Variants in CFAP46 observed in about 807,000 individuals in gnomAD.
CFAP46 encodes cilia- and flagella-associated protein 46.
A neutral mutation model predicts 325.7 loss-of-function variants in CFAP46; 245 were observed. The observed-to-expected ratio is 0.75, with a 90% CI of 0.68 to 0.84. CFAP46 has a LOEUF of 0.84. CFAP46 is among the 40% of genes least tolerant of loss of function. CFAP46 has a pLI of 0.00. For synonymous variants in CFAP46, 1,523 were observed against 1,495.9 expected (o/e 1.02, Z -0.42); for missense variants, 3,346 against 3,543.0 (o/e 0.94, Z 1.41).
At chr10:132,836,613 G>C (rs1049187715) in intron 45 of CFAP46, among the ~76,000 whole-genome samples, 2 of 140,670 alleles carry the variant, frequency 1.4e-5, no homozygotes, top group African/African-American at 5.5e-5. Flanking sequence ...TCACAGGAAG[G>C]GGTGTGTGGC....
rs988047018 is a variant in CFAP46, at chr10:132,828,000, C to T, written c.7117+5358G>A. ...GCGTAATCCTTCTGAGCCCCGTCTA[C>T]GCTGTCCCACGCACCAACAGCTCGC... On this transcript the variant is annotated intron_variant, in intron 50 of 57. Transcript: ENST00000368586. This position sits in a 1 kb window ranked among gnomAD's most constrained non-coding sequence, Gnocchi z 5.7. Among the ~76,000 whole-genome samples the T allele has an allele frequency of 3.3e-5, 5 of 151,550 alleles. No individual in the cohort carries two copies. The highest frequency in any genetic ancestry group is 7.3e-5 in the African/African-American group (3 of 40,892).
At chr10:132,823,059 AGTGCTGATGTGTGCTGTGT>A (rs1333608533) in intron 50 of CFAP46, among the ~76,000 whole-genome samples, 17 of 65,256 alleles carry the variant, frequency 2.6e-4, no homozygotes, top group South Asian at 5.3e-4. Flanking sequence ...GTGTGCTGTG[AGTGCTGATGTGTGCTGTGT>A]GTGCTGATGT....
At chr10:132,904,035 A>T (rs887757127) in intron 22 of CFAP46, among the ~76,000 whole-genome samples, 1 of 152,262 alleles carries the variant, frequency 6.6e-6, no homozygotes, top group Non-Finnish European at 1.5e-5. Context: ...ACAGAAAGCC[A>T]TTTTTGCTAT....
chr10:132,866,819 G>C (rs1195572124), intron 34 of CFAP46, among the ~76,000 whole-genome samples: 2 of 152,244 alleles, frequency 1.3e-5, no homozygotes, highest in African/African-American at 4.8e-5. Flanking sequence ...TTAGGAGCCA[G>C]GCTGGTCACC....
At position 132,942,423 on chromosome 10, in the gene CFAP46, G is replaced by A; in HGVS notation, c.49+13C>T. 1 of 1,357,234 alleles carries A rather than the reference G, an allele frequency of 7.4e-7. No individual in the cohort carries two copies. Among genetic ancestry groups the A allele is most frequent in the Non-Finnish European group, 9.4e-7 (1 of 1,061,958 alleles). The allele number at this position is 1,357,234 out of a possible 1,614,324, so 84.1% of individuals were successfully genotyped here. A position where few individuals can be genotyped will look rare whatever the true frequency, so the allele number is the denominator to read the frequency against. The stretch of plus-strand genomic sequence containing the variant: ...CCTCCCCGGGGCGGGGGTCGTGGCG[G>A]GCCTGGGGTCACCTTGCTGGCTCTC... On this transcript the variant is annotated intron_variant, in intron 1 of 57. Coordinates refer to ENST00000368586, the MANE Select transcript of CFAP46 (RefSeq NM_001200049.3).
intron 31 of CFAP46, among the ~76,000 whole-genome samples, chr10:132,874,223 A>C (rs1848932681): frequency 6.6e-6 from 1 of 152,240 alleles, no homozygotes; most frequent in East Asian, 1.9e-4. Flanking sequence ...ACAGATGCAC[A>C]CACCCCGGAA....
At chr10:132,821,985 G>GTGTGGGCTGATGTGTGCTGTA (rs1847852864) in intron 50 of CFAP46, among the ~76,000 whole-genome samples, 1 of 143,072 alleles carries the variant, frequency 7.0e-6, no homozygotes, top group South Asian at 2.4e-4. Flanking sequence ...TGTGTGCTGT[G>GTGTGGGCTGATGTGTGCTGTA]TGTGCGCTTG....
At chr10:132,938,407 C>T (rs12269281) in intron 5 of CFAP46, among the ~76,000 whole-genome samples, 182 bp downstream of exon 5, 14,650 of 152,210 alleles carry the variant, frequency 0.096, 975 homozygotes, top group African/African-American at 0.19. Context: ...ATGTCATCTA[C>T]AGATTTTGGA....
chr10:132,877,073 G>T lies in CFAP46; in HGVS notation c.4213-112C>A. On this transcript the variant is annotated intron_variant, in intron 30 of 57. Coordinates refer to ENST00000368586, the MANE Select transcript of CFAP46 (RefSeq NM_001200049.3). This position sits in a 1 kb window ranked among gnomAD's most constrained non-coding sequence, Gnocchi z 5.7. ...TTCAGGCCACAGCCCTGGGCAGCCGGCATCCTCCCCACCACCAGGTCCCAG... is the reference window on the plus strand; with the variant it reads ...TTCAGGCCACAGCCCTGGGCAGCCGTCATCCTCCCCACCACCAGGTCCCAG... 2 of 1,071,552 alleles carry T rather than the reference G, an allele frequency of 1.9e-6. No homozygotes were observed. Among genetic ancestry groups the T allele is most frequent in the Non-Finnish European group, 2.7e-6 (2 of 751,634 alleles). The allele number at this position is 1,071,552 out of a possible 1,614,324, so 66.4% of individuals were successfully genotyped here.
chr10:132,823,387 C>G (rs1591035781), intron 50 of CFAP46, among the ~76,000 whole-genome samples: 2 of 114,498 alleles, frequency 1.7e-5, no homozygotes, highest in Non-Finnish European at 3.5e-5. Context: ...TGTGTGTGCA[C>G]TGATGTGTGC....
At chr10:132,908,356 C>T (rs1439899114) in intron 22 of CFAP46, 112 bp downstream of exon 22, 11 of 1,324,522 alleles carry the variant, frequency 8.3e-6, no homozygotes, top group South Asian at 4.0e-5. Context: ...GCTCCCTGCC[C>T]GTTTTGGGGA....
At chr10:132,855,318 T>G (rs1293263456) in intron 39 of CFAP46, among the ~76,000 whole-genome samples, 1 of 152,254 alleles carries the variant, frequency 6.6e-6, no homozygotes, top group African/African-American at 2.4e-5. Context: ...CAAAATCGGC[T>G]GTGTGTGTTG....
At chr10:132,833,957 C>T (rs41302991) in intron 49 of CFAP46, 84 bp downstream of exon 49, 19,872 of 1,332,522 alleles carry the variant, frequency 0.015, 289 homozygotes, top group Non-Finnish European at 0.015. Flanking sequence ...CCCTGGCGTT[C>T]CCGGATGGGT....
chr10:132,908,280 G>C, intron 22 of CFAP46, 188 bp downstream of exon 22: 1 of 657,466 alleles, frequency 1.5e-6, no homozygotes. Flanking sequence ...CGCGCTCCCT[G>C]CCCGTTTTGG....
chr10:132,816,298 G>A (rs1847691930), intron 50 of CFAP46, among the ~76,000 whole-genome samples: 1 of 150,356 alleles, frequency 6.7e-6, no homozygotes, highest in South Asian at 2.1e-4. Context: ...CTCACCTGGG[G>A]ATCATTCTGC....
chr10:132,909,872 G>A, intron 20 of CFAP46, 47 bp downstream of exon 20: 1 of 1,371,128 alleles, frequency 7.3e-7, no homozygotes, highest in Non-Finnish European at 9.4e-7. Context: ...AGATCTCTAT[G>A]TCCACAGGGC....
intron 8 of CFAP46, among the ~76,000 whole-genome samples, chr10:132,933,712 A>G (rs537885612): frequency 6.6e-6 from 1 of 152,182 alleles, no homozygotes; most frequent in African/African-American, 2.4e-5. Flanking sequence ...GGCAGGTGCC[A>G]CCTCCCTGAT....
intron 35 of CFAP46, among the ~76,000 whole-genome samples, chr10:132,863,886 G>C (rs1206055437): frequency 2.4e-4 from 31 of 127,816 alleles, no homozygotes; most frequent in Middle Eastern, 7.8e-3. Context: ...GTCCCCCTGA[G>C]ACCTGCACAC....
Position 132,889,621 on chromosome 10 carries a change from T to C in CFAP46, c.3304+2712A>G, listed in dbSNP as rs141628166. Among the ~76,000 whole-genome samples, 57 of 152,316 alleles carry C rather than the reference T, an allele frequency of 3.7e-4. No individual in the cohort carries two copies. Among genetic ancestry groups the C allele is most frequent in the African/African-American group, 1.3e-3 (55 of 41,566 alleles). On this transcript the variant is annotated intron_variant, in intron 25 of 57. Transcript: ENST00000368586. The surrounding 1 kb of genome is among the most constrained non-coding windows in gnomAD (Gnocchi z 6.0). ...CTCACTTTGAGGTGTGACCTCCTGATTGACCCACAGCCATGTCCTGGGACC... is the reference window on the plus strand; with the variant it reads ...CTCACTTTGAGGTGTGACCTCCTGACTGACCCACAGCCATGTCCTGGGACC...
Sources: gnomAD v4.1 joint callset for allele counts (sites outside exome capture counted in the v4.1 genomes callset) on GRCh38, gnomAD v4.1.1 for gene constraint, Gnocchi (gnomAD v3.1) non-coding constraint, MANE v1.5 for transcripts, NCBI Gene and HGNC (gene_info 2026-07-23, HGNC 2026-07-21) for gene names.